CAPZA1: variants seen among roughly 807,000 people sequenced by gnomAD.
The protein encoded by CAPZA1 is capping actin protein of muscle Z-line subunit alpha 1.
CAPZA1 carries 10 observed loss-of-function variants against 40.8 expected under a neutral mutation model. The observed-to-expected ratio is 0.25, with a 90% CI of 0.15 to 0.42. The LOEUF is 0.42. CAPZA1 is among the 10% of genes least tolerant of loss of function. The pLI, the probability that CAPZA1 is intolerant of heterozygous loss-of-function variation, is 1.00. For missense variants in CAPZA1, 277 were observed against 353.8 expected, an observed-to-expected ratio of 0.78 and a Z score of 1.74; for synonymous variants, 98 against 115.0, an observed-to-expected ratio of 0.85 and a Z score of 0.95.
intron 9 of CAPZA1, 47 bp downstream of exon 9, chr1:112,669,652 T>C: frequency 7.5e-7 from 1 of 1,326,616 alleles, no homozygotes; most frequent in Non-Finnish European, 1.1e-6. Flanking sequence ...ATCTTATTAT[T>C]TCGCTGTTAG....
intron 7 of CAPZA1, among the ~76,000 whole-genome samples, chr1:112,663,378 T>C (rs1322856442): frequency 6.6e-6 from 1 of 152,238 alleles, no homozygotes; most frequent in Non-Finnish European, 1.5e-5. Context: ...TTCTTATCTA[T>C]TGGGATTTTA....
chr1:112,666,073 A>G (rs1376019899), intron 7 of CAPZA1, among the ~76,000 whole-genome samples: 3 of 152,118 alleles, frequency 2.0e-5, no homozygotes, highest in Non-Finnish European at 2.9e-5. Flanking sequence ...TCTGGCCTCA[A>G]GTGATCCTCC....
chr1:112,659,777 C>T lies in CAPZA1; in HGVS notation c.583C>T (p.Gln195Ter). The T allele has an allele frequency of 6.2e-7, 1 of 1,610,936 alleles. No individual in the cohort carries two copies. The highest frequency in any genetic ancestry group is 8.5e-7 in the Non-Finnish European group (1 of 1,177,384). ...CCAGGTGGTTGGCGTGCTTAAGATTCAGGTGAGATTCCAACATGTTTATAG... is the reference window on the plus strand; with the variant it reads ...CCAGGTGGTTGGCGTGCTTAAGATTTAGGTGAGATTCCAACATGTTTATAG... Reference protein sequence around the residue: ...TAQVVGVLKIQVHYYEDGNVQ... With the variant: ...TAQVVGVLKI The change falls in exon 7 of 10, where the codon CAG becomes TAG. Residue 195 changes from glutamine (Q) to a stop codon, truncating the protein, a stop_gained and splice_region_variant. Transcript: ENST00000263168. LOFTEE classifies it high-confidence loss of function.
chr1:112,630,431 T>C (rs908100190), intron 1 of CAPZA1, among the ~76,000 whole-genome samples: 2 of 152,026 alleles, frequency 1.3e-5, no homozygotes, highest in Admixed American at 1.3e-4. Context: ...GCAACCTCCG[T>C]CCCCCAGGTT....
chr1:112,624,483 C>A (rs1380651339), intron 1 of CAPZA1, among the ~76,000 whole-genome samples: 1 of 151,636 alleles, frequency 6.6e-6, no homozygotes, highest in Non-Finnish European at 1.5e-5. Flanking sequence ...TGGTGCATGT[C>A]TGTAATCCCA....
intron 5 of CAPZA1, among the ~76,000 whole-genome samples, chr1:112,657,268 T>A (rs1671517175): frequency 6.6e-6 from 1 of 152,046 alleles, no homozygotes; most frequent in South Asian, 2.1e-4. Context: ...CCGGCCTATT[T>A]CTCCTTCTTT....
chr1:112,645,736 CAAAAAAAA>C (rs34728417), intron 1 of CAPZA1, among the ~76,000 whole-genome samples: 1 of 107,012 alleles, frequency 9.3e-6, no homozygotes, highest in Non-Finnish European at 2.0e-5. Context: ...CTTGCCAGTG[CAAAAAAAA>C]AAAAAAAAAA....
chr1:112,639,705 A>G (rs1671093743), intron 1 of CAPZA1, among the ~76,000 whole-genome samples: 1 of 152,146 alleles, frequency 6.6e-6, no homozygotes, highest in Non-Finnish European at 1.5e-5. Flanking sequence ...ATCTTAAAAA[A>G]AAAAATTAAA....
At chr1:112,646,188 G>A (rs1671278641) in intron 1 of CAPZA1, among the ~76,000 whole-genome samples, 1 of 152,228 alleles carries the variant, frequency 6.6e-6, no homozygotes, top group East Asian at 1.9e-4. Flanking sequence ...AGGCTAGGTT[G>A]AATAACAGGA....
At chr1:112,628,354 C>T (rs1452780981) in intron 1 of CAPZA1, among the ~76,000 whole-genome samples, 1 of 152,108 alleles carries the variant, frequency 6.6e-6, no homozygotes, top group Non-Finnish European at 1.5e-5. Flanking sequence ...CTTGATTGAT[C>T]AGGATACTAA....
intron 1 of CAPZA1, among the ~76,000 whole-genome samples, chr1:112,634,132 G>A (rs1670974754): frequency 6.6e-6 from 1 of 152,040 alleles, no homozygotes; most frequent in Non-Finnish European, 1.5e-5. Context: ...ACTCCCTTAG[G>A]AAATAGCATT....
intron 7 of CAPZA1, among the ~76,000 whole-genome samples, chr1:112,666,070 T>C (rs541267795): frequency 1.1e-4 from 17 of 152,328 alleles, no homozygotes; most frequent in African/African-American, 4.1e-4. Context: ...ACTTCTGGCC[T>C]CAAGTGATCC....
intron 1 of CAPZA1, among the ~76,000 whole-genome samples, chr1:112,641,455 C>T (rs1344149195): frequency 6.6e-6 from 1 of 152,080 alleles, no homozygotes; most frequent in African/African-American, 2.4e-5. Flanking sequence ...TTCAACAGCA[C>T]ATTATAAACA....
chr1:112,623,681 CAA>C (rs1190278316), intron 1 of CAPZA1, among the ~76,000 whole-genome samples: 13 of 87,708 alleles, frequency 1.5e-4, no homozygotes, highest in Admixed American at 2.5e-4. Context: ...AACTCCGTCT[CAA>C]AAAAAAAAAA....
Position 112,669,624 on chromosome 1 carries a change from A to C in CAPZA1, c.720+19A>C. 5.2e-6 allele frequency: 8 copies of C among 1,525,214 alleles called. No individual in the cohort carries two copies. Among genetic ancestry groups the C allele is most frequent in the Non-Finnish European group, 7.3e-6 (8 of 1,101,772 alleles). 94.5% of individuals were successfully genotyped at this position (1,525,214 alleles called of 1,614,324 possible). On this transcript the variant is annotated intron_variant, in intron 9 of 9. Transcript: ENST00000263168. Reference sequence around the variant, plus strand: ...GTATCAGGTAAGAAGATTTGGAGTTAATTTTCCTAGATCTACTATCTTATT... The same window carrying C: ...GTATCAGGTAAGAAGATTTGGAGTTCATTTTCCTAGATCTACTATCTTATT...
intron 1 of CAPZA1, among the ~76,000 whole-genome samples, chr1:112,621,044 C>T (rs1306794052): frequency 6.6e-6 from 1 of 152,076 alleles, no homozygotes; most frequent in African/African-American, 2.4e-5. Flanking sequence ...CATAAGTCCT[C>T]TGTACGGAAT....
At chr1:112,634,322 C>T (rs1375726791) in intron 1 of CAPZA1, among the ~76,000 whole-genome samples, 4 of 151,892 alleles carry the variant, frequency 2.6e-5, no homozygotes, top group Non-Finnish European at 4.4e-5. Context: ...TTAAGTATAC[C>T]CTATTTGGAA....
At chr1:112,640,597 TGGG>T (rs1313499556) in intron 1 of CAPZA1, among the ~76,000 whole-genome samples, 2 of 123,404 alleles carry the variant, frequency 1.6e-5, no homozygotes, top group South Asian at 5.5e-4. Flanking sequence ...GGGAGGGAGG[TGGG>T]GGGGTCAGCC....
chr1:112,659,967 A>T (rs1671572621), intron 7 of CAPZA1, among the ~76,000 whole-genome samples, 188 bp downstream of exon 7: 1 of 152,102 alleles, frequency 6.6e-6, no homozygotes, highest in African/African-American at 2.4e-5. Context: ...AAAGGATAGC[A>T]TGTAGAGTGT....
Sources: gnomAD v4.1 joint callset for allele counts (sites outside exome capture counted in the v4.1 genomes callset) on GRCh38, gnomAD v4.1.1 for gene constraint, MANE v1.5 for transcripts, NCBI Gene and HGNC (gene_info 2026-07-23, HGNC 2026-07-21) for gene names.